Variants in CNTNAP2 observed in about 807,000 individuals in gnomAD.
CNTNAP2 encodes the protein contactin associated protein 2, also known as contactin-associated protein-like 2.
Under a neutral mutation model 155.2 loss-of-function variants are expected in CNTNAP2, and 98 were observed. The observed-to-expected ratio is 0.63, with a 90% CI of 0.54 to 0.75. The LOEUF is 0.75. Ranked by LOEUF, CNTNAP2 falls within the 30% of genes least tolerant of loss-of-function variation. CNTNAP2 has a pLI of 0.00. For missense variants in CNTNAP2, 1,727 were observed against 1,688.1 expected, an observed-to-expected ratio of 1.02 and a Z score of -0.40; for synonymous variants, 651 against 631.2, an observed-to-expected ratio of 1.03 and a Z score of -0.47.
intron 16 of CNTNAP2, among the ~76,000 whole-genome samples, chr7:148,140,826 C>T (rs1167719262): frequency 6.6e-6 from 1 of 152,212 alleles, no homozygotes; most frequent in African/African-American, 2.4e-5. Context: ...ACATGCTTAC[C>T]AGGCAGGACA....
chr7:147,233,310 C>T (rs1803726348), intron 8 of CNTNAP2, among the ~76,000 whole-genome samples: 1 of 152,110 alleles, frequency 6.6e-6, no homozygotes, highest in African/African-American at 2.4e-5. Context: ...TCCCTAGTCA[C>T]CTGTGCGCAG....
At position 146,173,583 on chromosome 7, in the gene CNTNAP2, T is replaced by A. The variant is rs147338377; in HGVS notation, c.97+56610T>A. Among the ~76,000 whole-genome samples the A allele has an allele frequency of 4.3e-3, 653 of 152,304 alleles. 3 individuals are homozygous for A. The highest frequency in any genetic ancestry group is 0.015 in the African/African-American group (617 of 41,556). On this transcript the variant is annotated intron_variant, in intron 1 of 23. Transcript: ENST00000361727. ...ATATGCCATATGTTTCCTGACCTAT[T>A]TGACAAATTTAATTGCCCCTTAAAG... is the stretch of plus-strand genomic sequence containing the variant.
chr7:146,781,490 G>T (rs1455985047), intron 2 of CNTNAP2, among the ~76,000 whole-genome samples: 1 of 152,046 alleles, frequency 6.6e-6, no homozygotes, highest in Non-Finnish European at 1.5e-5. Flanking sequence ...CTGTAGGCTG[G>T]TGTCATTTTC....
chr7:147,373,780 G>C (rs2116919329), intron 9 of CNTNAP2, among the ~76,000 whole-genome samples: 1 of 151,914 alleles, frequency 6.6e-6, no homozygotes, highest in East Asian at 1.9e-4. Context: ...TGTTTTTTCT[G>C]TTTGTTTTTT....
intron 10 of CNTNAP2, among the ~76,000 whole-genome samples, chr7:147,449,595 T>C (rs1039948656): frequency 6.6e-6 from 1 of 152,160 alleles, no homozygotes; most frequent in Non-Finnish European, 1.5e-5. Context: ...TCAGAGGAAG[T>C]CTCAGATTAA....
At chr7:147,119,382 C>T (rs112586538) in intron 5 of CNTNAP2, among the ~76,000 whole-genome samples, 5 of 152,128 alleles carry the variant, frequency 3.3e-5, no homozygotes, top group African/African-American at 4.8e-5. Flanking sequence ...CTGGAATTTA[C>T]AACAGCCAGG....
chr7:146,611,337 C>T (rs1799133431), intron 1 of CNTNAP2, among the ~76,000 whole-genome samples: 1 of 152,148 alleles, frequency 6.6e-6, no homozygotes, highest in African/African-American at 2.4e-5. Context: ...GGAATCTTCC[C>T]CCTTCAGCTT....
intron 1 of CNTNAP2, among the ~76,000 whole-genome samples, chr7:146,509,045 C>G (rs1797428404): frequency 6.6e-6 from 1 of 152,174 alleles, no homozygotes; most frequent in Admixed American, 6.5e-5. Flanking sequence ...GGCCAGGGAG[C>G]CAAAGGCACT....
chr7:148,227,314 C>T (rs1345801418), intron 19 of CNTNAP2, among the ~76,000 whole-genome samples: 5 of 152,092 alleles, frequency 3.3e-5, no homozygotes, highest in Non-Finnish European at 7.4e-5. Flanking sequence ...ACAGAGGGCT[C>T]ATGCTAAAAT....
At chr7:148,294,648 T>C (rs1312942004) in intron 21 of CNTNAP2, among the ~76,000 whole-genome samples, 1 of 152,214 alleles carries the variant, frequency 6.6e-6, no homozygotes, top group Non-Finnish European at 1.5e-5. Context: ...AAAATTATTG[T>C]ACCTAGTATG....
At chr7:147,132,988 G>A (rs956641017) in intron 8 of CNTNAP2, among the ~76,000 whole-genome samples, 2 of 152,006 alleles carry the variant, frequency 1.3e-5, no homozygotes, top group Non-Finnish European at 2.9e-5. Flanking sequence ...TTATGCAAAT[G>A]GTTGGAAAAG....
chr7:148,132,493 G>A (rs544446061), intron 16 of CNTNAP2, among the ~76,000 whole-genome samples: 4 of 151,518 alleles, frequency 2.6e-5, no homozygotes, highest in South Asian at 4.2e-4. Flanking sequence ...TGTAGACACC[G>A]CATTGTATAT....
At chr7:147,863,671 T>G (rs1177911143) in intron 13 of CNTNAP2, among the ~76,000 whole-genome samples, 2 of 152,224 alleles carry the variant, frequency 1.3e-5, no homozygotes, top group Non-Finnish European at 2.9e-5. Flanking sequence ...TGCATTTCTC[T>G]GATGGTCAGT....
chr7:147,645,715 C>T (rs1447273703), intron 13 of CNTNAP2, among the ~76,000 whole-genome samples: 1 of 151,998 alleles, frequency 6.6e-6, no homozygotes, highest in Non-Finnish European at 1.5e-5. Flanking sequence ...TTTAGTTTTG[C>T]CTGTGTATCA....
chr7:146,921,282 T>C (rs912656264), intron 3 of CNTNAP2, among the ~76,000 whole-genome samples: 2 of 152,094 alleles, frequency 1.3e-5, no homozygotes, highest in African/African-American at 4.8e-5. Flanking sequence ...TATAAATTAA[T>C]TAGGAATAAA....
At chr7:147,648,779 A>G (rs10279169) in intron 13 of CNTNAP2, among the ~76,000 whole-genome samples, 3,188 of 152,230 alleles carry the variant, frequency 0.021, 115 homozygotes, top group African/African-American at 0.073. Context: ...TCAAGATGAG[A>G]TTTGGGTGTG....
In CNTNAP2 at chr7:146,822,828, A is replaced by C. The variant is rs532724655; in HGVS notation, c.209-16883A>C. On this transcript the variant is annotated intron_variant, in intron 2 of 23. Transcript: ENST00000361727. ...ATATACTCATTCTTCAGCATATTTA[A>C]ATATAAATATACTCGTTCTTCAGCA... 1.2e-4 allele frequency among the ~76,000 whole-genome samples: 18 copies of C among 148,814 alleles called. No homozygotes were observed. The East Asian group carries it at 3.6e-3, about 30-fold the overall frequency.
chr7:147,532,868 C>T (rs111548840), intron 11 of CNTNAP2, among the ~76,000 whole-genome samples: 15 of 152,300 alleles, frequency 9.8e-5, no homozygotes, highest in African/African-American at 3.4e-4. Flanking sequence ...TCAATTACCT[C>T]CCCCTGAGTT....
At chr7:147,536,970 GTCTTC>G (rs1405356612) in intron 11 of CNTNAP2, among the ~76,000 whole-genome samples, 1 of 152,130 alleles carries the variant, frequency 6.6e-6, no homozygotes, top group Non-Finnish European at 1.5e-5. Context: ...ACACTCCTCT[GTCTTC>G]TCTTCCCTAT....
Sources: allele counts gnomAD v4.1 joint callset (sites outside exome capture counted in the v4.1 genomes callset), GRCh38; gene constraint gnomAD v4.1.1; transcripts MANE v1.5; gene names NCBI Gene and HGNC (gene_info 2026-07-23, HGNC 2026-07-21).